The following RMND5B variants were observed in gnomAD, a reference collection of about 807,000 sequenced individuals.
RMND5B encodes the protein required for meiotic nuclear division 5 homolog B, also known as E3 ubiquitin-protein transferase RMND5B.
A neutral mutation model predicts 50.4 loss-of-function variants in RMND5B; 42 were observed. That is an observed-to-expected ratio of 0.83 (90% confidence interval 0.65 to 1.08). The LOEUF is 1.08. Ranked by LOEUF, RMND5B falls within the 50% of genes least tolerant of loss-of-function variation. The probability of loss-of-function intolerance (pLI) is 0.00; values close to 1 mark genes in which losing one functional copy is unlikely to be tolerated. For missense variants in RMND5B, 463 were observed against 508.5 expected, an observed-to-expected ratio of 0.91 and a Z score of 0.86; for synonymous variants, 220 against 210.0, an observed-to-expected ratio of 1.05 and a Z score of -0.41.
Position 178,136,593 on chromosome 5 carries a change from G to A in RMND5B, c.-12-1515G>A, listed in dbSNP as rs78773457. On this transcript the variant is annotated intron_variant, in intron 2 of 10. Transcript: ENST00000313386. ...GTTGGGAGACAGTGGCTACAGATGG[G>A]TCAAGGTGCTGAGGCCGGGACTCAT... Among the ~76,000 whole-genome samples, 1,043 of 152,192 alleles carry A rather than the reference G, an allele frequency of 6.9e-3. 12 individuals are homozygous for A. Among genetic ancestry groups the A allele is most frequent in the Non-Finnish European group, 0.012 (814 of 68,010 alleles).
intron 6 of RMND5B, 69 bp from the exon 7 acceptor site, chr5:178,143,873 C>T: frequency 6.4e-7 from 1 of 1,573,074 alleles, no homozygotes; most frequent in Non-Finnish European, 8.7e-7. Flanking sequence ...TGGGGCCCTC[C>T]TCTCAGGTGC....
chr5:178,147,605 T>A lies in RMND5B; in HGVS notation c.933T>A (p.Thr311=), dbSNP rs1756092481. The change falls in exon 9 of 11, where the codon ACT becomes ACA. Residue 311 remains threonine, a synonymous_variant. Transcript: ENST00000313386. ...IKAVIEQRQC[T]GVWNHKDELP... is the part of the protein sequence containing the mutation. Reference sequence around the variant, plus strand: ...CTGTGATTGAGCAGCGGCAGTGCACTGGGGTCTGGAATCACAAGGACGAGT... The same window carrying A: ...CTGTGATTGAGCAGCGGCAGTGCACAGGGGTCTGGAATCACAAGGACGAGT... 2 of 1,614,022 alleles carry A rather than the reference T, an allele frequency of 1.2e-6. No homozygotes were observed. The highest frequency in any genetic ancestry group is 8.5e-7 in the Non-Finnish European group (1 of 1,180,020).
Position 178,137,782 on chromosome 5 carries a change from G to T in RMND5B, c.-12-326G>T, listed in dbSNP as rs556494743. 2.6e-5 allele frequency among the ~76,000 whole-genome samples: 4 copies of T among 152,258 alleles called. No homozygotes were observed. In the East Asian group the frequency reaches 7.7e-4, roughly 29 times the overall value. On this transcript the variant is annotated intron_variant, in intron 2 of 10. Transcript: ENST00000313386. This position sits in a 1 kb window ranked among gnomAD's most constrained non-coding sequence, Gnocchi z 4.4. ...GCCAGCTAAGGGCTCTGTGAGGCCTGCTCTCTATTCTGATTTAAAAGGGAG... is the reference window on the plus strand; with the variant it reads ...GCCAGCTAAGGGCTCTGTGAGGCCTTCTCTCTATTCTGATTTAAAAGGGAG...
intron 2 of RMND5B, among the ~76,000 whole-genome samples, chr5:178,136,700 T>C (rs145066636): frequency 6.6e-6 from 1 of 152,194 alleles, no homozygotes; most frequent in Non-Finnish European, 1.5e-5. Context: ...TAGGATTCTC[T>C]TTCTCTTTGA....
In RMND5B at chr5:178,138,125, G is replaced by A. The variant is rs1470207759; in HGVS notation, c.6G>A (p.Glu2=). 1 of 1,596,664 alleles carries A rather than the reference G, an allele frequency of 6.3e-7. No homozygotes were observed. The highest frequency in any genetic ancestry group is 8.5e-7 in the Non-Finnish European group (1 of 1,171,988). The change falls in exon 3 of 11, where the codon GAG becomes GAA. Residue 2 remains glutamate, a synonymous_variant. Transcript: ENST00000313386. This position sits in a 1 kb window ranked among gnomAD's most constrained non-coding sequence, Gnocchi z 5.1. ...CTCCCCAGGCTGAGGCCACCATGGA[G>A]CAGTGTGCGTGCGTGGAGAGAGAGC... M[E]QCACVERELD... is the part of the protein sequence containing the mutation.
chr5:178,148,003 C>T lies in RMND5B; in HGVS notation c.1153C>T (p.Pro385Ser), dbSNP rs1756130109. Residue 385 changes from proline (P) to serine (S), a missense_variant, in exon 11 of 11, where the codon CCG becomes TCG. By Grantham distance (74) the Pro-to-Ser change is moderately conservative. Coordinates refer to ENST00000313386, the MANE Select transcript of RMND5B (RefSeq NM_022762.5). ...TCCCTACTGTCCCATGGAGCAGAAC[C>T]CGGCAGATGGGAAACGCATCATATT... ...KCPYCPMEQN[P>S]ADGKRIIF 1 of 1,614,102 alleles carries T rather than the reference C, an allele frequency of 6.2e-7. No homozygotes were observed.
At chr5:178,142,501 A>AT in intron 3 of RMND5B, 82 bp from the exon 4 acceptor site, 1 of 1,487,326 alleles carries the variant, frequency 6.7e-7, no homozygotes, top group Non-Finnish European at 9.1e-7. Context: ...CGGGGCTGGC[A>AT]TTTAGAATAG....
Position 178,147,716 on chromosome 5 carries a change from C to T in RMND5B, c.964-13C>T. On this transcript the variant is annotated splice_polypyrimidine_tract_variant and intron_variant, in intron 9 of 10. Coordinates refer to ENST00000313386, the MANE Select transcript of RMND5B (RefSeq NM_022762.5). ...CAGGAAGTGGAACTCACCCGCTTCG[C>T]TGCCCTTCCCAGATTGAGATTGAAC... 2 of 1,614,164 alleles carry T rather than the reference C, an allele frequency of 1.2e-6. No homozygotes were observed. Among genetic ancestry groups the T allele is most frequent in the Admixed American group, 1.7e-5 (1 of 60,020 alleles).
At position 178,138,940 on chromosome 5, in the gene RMND5B, C is replaced by T. The variant is rs1758767595; in HGVS notation, c.139+682C>T. The stretch of plus-strand genomic sequence containing the variant: ...AAATTGCCAGGCACAGTGGCTCACG[C>T]CTGTAATCCCAGCACTTCGGGAGCC... On this transcript the variant is annotated intron_variant, in intron 3 of 10. Coordinates refer to ENST00000313386, the MANE Select transcript of RMND5B (RefSeq NM_022762.5). This position sits in a 1 kb window ranked among gnomAD's most constrained non-coding sequence, Gnocchi z 5.1. Among the ~76,000 whole-genome samples, 2 of 152,144 alleles carry T rather than the reference C, an allele frequency of 1.3e-5. No individual in the cohort carries two copies. Among genetic ancestry groups the T allele is most frequent in the African/African-American group, 4.8e-5 (2 of 41,462 alleles).
intron 8 of RMND5B, chr5:178,147,011 G>A (rs1561640523): frequency 6.2e-6 from 1 of 161,840 alleles, no homozygotes; most frequent in Non-Finnish European, 1.4e-5. Context: ...ACCTTAGGAT[G>A]ATTCTGTTGC....
At chr5:178,133,914 C>T (rs1376789860) in intron 2 of RMND5B, among the ~76,000 whole-genome samples, 10 of 151,704 alleles carry the variant, frequency 6.6e-5, no homozygotes, top group African/African-American at 9.7e-5. Flanking sequence ...GGGGTTTCAC[C>T]GTGTTAGCCA....
At position 178,148,038 on chromosome 5, in the gene RMND5B, A is replaced by C. The variant is rs933751569; in HGVS notation, c.*6A>C. 3 of 1,613,166 alleles carry C rather than the reference A, an allele frequency of 1.9e-6. No homozygotes were observed. In the African/African-American group the frequency reaches 4.0e-5, roughly 22 times the overall value. On this transcript the variant is annotated 3_prime_UTR_variant, in exon 11 of 11. Coordinates refer to ENST00000313386, the MANE Select transcript of RMND5B (RefSeq NM_022762.5). ...GGAAACGCATCATATTCTGATTCCT[A>C]CCTGGAAGGAATTTTGTTGAAAGGG...
chr5:178,149,792 A>G lies in RMND5B; in HGVS notation c.*1760A>G, dbSNP rs759145032. Reference sequence around the variant, plus strand: ...CTGGTACTCCTCATGGGGCTTGACCATTATCACACAGGTGGGGCGCTTGGA... The same window carrying G: ...CTGGTACTCCTCATGGGGCTTGACCGTTATCACACAGGTGGGGCGCTTGGA... On this transcript the variant is annotated 3_prime_UTR_variant, in exon 11 of 11. Transcript: ENST00000313386. 14 of 1,613,758 alleles carry G rather than the reference A, an allele frequency of 8.7e-6. No individual in the cohort carries two copies. The South Asian group carries it at 1.4e-4, about 16-fold the overall frequency.
Position 178,149,988 on chromosome 5 carries a change from C to A in RMND5B, c.*1956C>A. ...TTTAAAAGCATCTTGAATTGGTTGC[C>A]ATCATTTAAACTCAATCAGACTTTG... On this transcript the variant is annotated 3_prime_UTR_variant, in exon 11 of 11. Transcript: ENST00000313386. 2 of 829,914 alleles carry A rather than the reference C, an allele frequency of 2.4e-6. No homozygotes were observed. Among genetic ancestry groups the A allele is most frequent in the Non-Finnish European group, 3.8e-6 (2 of 532,474 alleles). 51.4% of individuals were successfully genotyped at this position (829,914 alleles called of 1,614,324 possible).
rs1432993270 is a variant in RMND5B at position 178,150,326 on chromosome 5, C to A, written c.*2294C>A. The stretch of plus-strand genomic sequence containing the variant: ...ACGGTAAGTTCCTTCAGAACAGGGC[C>A]TCCTGCTTTATCCCAAGAAGTGATA... On this transcript the variant is annotated 3_prime_UTR_variant, in exon 11 of 11. Coordinates refer to ENST00000313386, the MANE Select transcript of RMND5B (RefSeq NM_022762.5). 4.3e-6 allele frequency: 1 copy of A among 233,950 alleles called. No individual in the cohort carries two copies. The highest frequency in any genetic ancestry group is 5.2e-5 in the Admixed American group (1 of 19,272). The allele number at this position is 233,950 out of a possible 1,614,324, so 14.5% of individuals were successfully genotyped here. A position where few individuals can be genotyped will look rare whatever the true frequency, so the allele number is the denominator to read the frequency against.
intron 3 of RMND5B, among the ~76,000 whole-genome samples, chr5:178,139,426 C>T (rs138378444): frequency 0.021 from 3,128 of 151,934 alleles, 39 homozygotes; most frequent in Middle Eastern, 0.062. Context: ...AGGCTGGTCT[C>T]GAACTCCTGA....
intron 8 of RMND5B, 44 bp from the exon 9 acceptor site, chr5:178,147,489 C>G: frequency 6.5e-7 from 1 of 1,545,046 alleles, no homozygotes; most frequent in Non-Finnish European, 8.9e-7. Context: ...TTTTGCCTGT[C>G]TGCTGTGATC....
At chr5:178,132,102 C>T (rs1374495294) in intron 2 of RMND5B, among the ~76,000 whole-genome samples, 2 of 152,078 alleles carry the variant, frequency 1.3e-5, no homozygotes, top group Non-Finnish European at 2.9e-5. Context: ...GGCTTGAGCT[C>T]AGCACTTCAA....
At position 178,142,672 on chromosome 5, in the gene RMND5B, T is replaced by G. The variant is rs1412178506; in HGVS notation, c.229T>G (p.Ser77Ala). ...KIKDTVQKLA[S>A]DHKDIHSSVS... The stretch of plus-strand genomic sequence containing the variant: ...CAAAGATACGGTGCAGAAACTGGCT[T>G]CGGACCATAAGGACATTCACAGCAG... The change falls in exon 4 of 11, where the codon TCG becomes GCG. Residue 77 changes from serine to alanine, a missense_variant. Coordinates refer to ENST00000313386, the MANE Select transcript of RMND5B (RefSeq NM_022762.5). The G allele has an allele frequency of 6.2e-7, 1 of 1,614,202 alleles. No homozygotes were observed. Among genetic ancestry groups the G allele is most frequent in the South Asian group, 1.1e-5 (1 of 91,082 alleles).
Sources: gnomAD v4.1 joint callset for allele counts (sites outside exome capture counted in the v4.1 genomes callset) on GRCh38, gnomAD v4.1.1 for gene constraint, Gnocchi (gnomAD v3.1) non-coding constraint, MANE v1.5 for transcripts, NCBI Gene and HGNC (gene_info 2026-07-23, HGNC 2026-07-21) for gene names.